The following SAMD5 variants were observed in gnomAD, a reference collection of about 807,000 sequenced individuals.
SAMD5 encodes sterile alpha motif domain-containing protein 5.
A neutral mutation model predicts 11.3 loss-of-function variants in SAMD5; 13 were observed. The observed-to-expected ratio is 1.15, with a 90% CI of 0.75 to 1.83. SAMD5 has a LOEUF of 1.83. SAMD5 is among the 40% of genes most tolerant of loss of function. SAMD5 has a pLI of 0.00. For missense variants in SAMD5, 255 were observed against 239.1 expected, an observed-to-expected ratio of 1.07 and a Z score of -0.44; for synonymous variants, 129 against 111.3, an observed-to-expected ratio of 1.16 and a Z score of -1.00.
chr6:147,866,111 ATT>A, the SAMD5 span, among the ~76,000 whole-genome samples: 9 of 150,166 alleles, frequency 6.0e-5, no homozygotes, highest in African/African-American at 7.3e-5. Context: ...GTGAGCTGAA[ATT>A]TTTTTTTTTC....
At chr6:147,922,403 G>T in the SAMD5 span, among the ~76,000 whole-genome samples, 1 of 152,120 alleles carries the variant, frequency 6.6e-6, no homozygotes, top group African/African-American at 2.4e-5. Flanking sequence ...TCGTAATGTG[G>T]GGAAAAATAC....
the SAMD5 span, among the ~76,000 whole-genome samples, chr6:147,882,505 A>G: frequency 0.22 from 33,382 of 152,174 alleles, 4,384 homozygotes; most frequent in African/African-American, 0.34. Flanking sequence ...ACTTGAGCCC[A>G]GGAATTCCAG....
chr6:147,565,065 G>A lies in SAMD5; in HGVS notation c.*609G>A. On this transcript the variant is annotated 3_prime_UTR_variant, in exon 2 of 2. Transcript: ENST00000367474. ...TACAATGTTAAAGGTGATGAATTAA[G>A]GAACATCACCAAGAGAGGACAATTT... The A allele has an allele frequency of 2.0e-6, 2 of 979,036 alleles. No individual in the cohort carries two copies. Among genetic ancestry groups the A allele is most frequent in the Admixed American group, 6.1e-5 (1 of 16,288 alleles). 60.6% of individuals were successfully genotyped at this position (979,036 alleles called of 1,614,324 possible). A position where few individuals can be genotyped will look rare whatever the true frequency, so the allele number is the denominator to read the frequency against.
At chr6:147,699,634 C>T (rs773566870) in intron 1 of SAMD5, among the ~76,000 whole-genome samples, 2 of 152,118 alleles carry the variant, frequency 1.3e-5, no homozygotes, top group African/African-American at 2.4e-5. Context: ...GAGTGTGAAA[C>T]GTTTTATTCA....
intron 1 of SAMD5, among the ~76,000 whole-genome samples, chr6:147,652,337 AT>A (rs1402886388): frequency 2.0e-5 from 3 of 152,162 alleles, no homozygotes. Context: ...TTGAAACCAT[AT>A]TATAAGTGTT....
chr6:147,680,194 A>G (rs1790921730), intron 1 of SAMD5, among the ~76,000 whole-genome samples: 1 of 152,084 alleles, frequency 6.6e-6, no homozygotes, highest in African/African-American at 2.4e-5. Flanking sequence ...CATTTATTTC[A>G]GTCTTCCTAA....
At chr6:147,719,701 A>G (rs1159718693) in intron 1 of SAMD5, among the ~76,000 whole-genome samples, 1 of 152,190 alleles carries the variant, frequency 6.6e-6, no homozygotes, top group Non-Finnish European at 1.5e-5. Context: ...ATCGTGGGAG[A>G]GCATAAGCAG....
the SAMD5 span, among the ~76,000 whole-genome samples, chr6:147,826,388 A>C: frequency 2.3e-4 from 35 of 152,322 alleles, no homozygotes; most frequent in African/African-American, 7.7e-4. Flanking sequence ...CATTTGTGAT[A>C]ATGCAAAACT....
rs1023174673 is a variant in SAMD5, at chr6:147,689,030, T to G, written c.163-48287T>G. Among the ~76,000 whole-genome samples the G allele has an allele frequency of 5.3e-5, 8 of 151,794 alleles. No individual in the cohort carries two copies. The South Asian group carries it at 8.3e-4, about 16-fold the overall frequency. On this transcript the variant is annotated intron_variant, in intron 1 of 1. Coordinates refer to the SAMD5 transcript ENST00000566741. ...AAGTAGTGGAAGTATGTGTTTCTCT[T>G]GAATTCTTTGAAGTAGGCTCTTTTC...
At chr6:147,777,069 T>G in the SAMD5 span, among the ~76,000 whole-genome samples, 1 of 152,210 alleles carries the variant, frequency 6.6e-6, no homozygotes, top group Non-Finnish European at 1.5e-5. Flanking sequence ...TAAAATAGAT[T>G]AATTTCATAC....
At chr6:147,902,423 T>C in the SAMD5 span, among the ~76,000 whole-genome samples, 1 of 152,120 alleles carries the variant, frequency 6.6e-6, no homozygotes. Flanking sequence ...CATATCCTTG[T>C]GCTCCCAGGA....
chr6:147,787,274 A>T, the SAMD5 span, among the ~76,000 whole-genome samples: 1 of 152,180 alleles, frequency 6.6e-6, no homozygotes, highest in African/African-American at 2.4e-5. Context: ...GCTGTCCTCC[A>T]TGATGGAGCA....
At chr6:147,761,283 G>T in the SAMD5 span, among the ~76,000 whole-genome samples, 1 of 152,106 alleles carries the variant, frequency 6.6e-6, no homozygotes, top group Non-Finnish European at 1.5e-5. Context: ...TGAACGTTTT[G>T]TTAAATTTTT....
At chr6:147,894,011 G>T in the SAMD5 span, among the ~76,000 whole-genome samples, 2 of 151,874 alleles carry the variant, frequency 1.3e-5, no homozygotes, top group African/African-American at 4.8e-5. Context: ...AGGCTGCATG[G>T]TATTCCATGA....
At chr6:147,926,986 C>T in the SAMD5 span, among the ~76,000 whole-genome samples, 3 of 151,772 alleles carry the variant, frequency 2.0e-5, no homozygotes, top group Middle Eastern at 6.8e-3. Context: ...CATAGGCGAC[C>T]TTATTTCTGG....
chr6:147,919,083 G>A, the SAMD5 span, among the ~76,000 whole-genome samples: 510 of 152,278 alleles, frequency 3.3e-3, 5 homozygotes, highest in African/African-American at 0.012. Context: ...CTAGGGATGG[G>A]GAGTAACTTA....
the SAMD5 span, among the ~76,000 whole-genome samples, chr6:147,802,429 G>T: frequency 6.6e-6 from 1 of 151,736 alleles, no homozygotes; most frequent in Non-Finnish European, 1.5e-5. Flanking sequence ...CAAGGATGTG[G>T]AACAACTCGA....
chr6:147,570,247 A>G (rs1249034233), downstream of SAMD5, among the ~76,000 whole-genome samples: 1 of 152,122 alleles, frequency 6.6e-6, no homozygotes, highest in Non-Finnish European at 1.5e-5. Context: ...TGGTTGTTAT[A>G]TGTGAGTATG....
intron 1 of SAMD5, among the ~76,000 whole-genome samples, chr6:147,537,462 C>G (rs756740983): frequency 6.6e-6 from 1 of 151,936 alleles, no homozygotes; most frequent in African/African-American, 2.4e-5. Flanking sequence ...ATTTTTAAAA[C>G]AGAAAACCGG....
Sources: allele counts gnomAD v4.1 joint callset (sites outside exome capture counted in the v4.1 genomes callset), GRCh38; gene constraint gnomAD v4.1.1; transcripts MANE v1.5; gene names NCBI Gene and HGNC (gene_info 2026-07-23, HGNC 2026-07-21).